PREX1: variants seen among roughly 807,000 people sequenced by gnomAD.
PREX1 encodes phosphatidylinositol 3,4,5-trisphosphate-dependent Rac exchanger 1 protein.
In PREX1, 41 loss-of-function variants were observed where a neutral mutation model predicts 198.3. The ratio of observed to expected loss-of-function variants is 0.21; its 90% CI spans 0.16 to 0.27. The LOEUF is 0.27. Among genes scored for constraint, PREX1 ranks in the 10% least tolerant of loss-of-function variants. The pLI, the probability that PREX1 is intolerant of heterozygous loss-of-function variation, is 1.00. For missense variants in PREX1, 1,620 were observed against 2,200.7 expected (o/e 0.74, Z 5.28); for synonymous variants, 843 against 887.2 (o/e 0.95, Z 0.89).
Position 48,726,322 on chromosome 20 carries a change from G to C in PREX1, c.589C>G (p.Gln197Glu). ...PLEGYLLSPIQRICKYPLLLK... is the reference protein window; with the variant it reads ...PLEGYLLSPIERICKYPLLLK... ...AGGAGCGGGTACTTGCAGATCCTCT[G>C]GATCGGAGACAACAGGTAGCCTTCC... The change falls in exon 5 of 40, where the codon CAG (glutamine) becomes GAG (glutamate). Residue 197 changes from glutamine to glutamate, a missense_variant. Physicochemically the swap from Gln to Glu is conservative, Grantham distance 29 (BLOSUM62 2). Around this residue, in one of 7 missense-constraint regions of PREX1, gnomAD observed 488 missense variants for 802.5 expected, o/e 0.61. Coordinates refer to ENST00000371941, the MANE Select transcript of PREX1 (RefSeq NM_020820.4). 6.2e-7 allele frequency: 1 copy of C among 1,613,900 alleles called. No homozygotes were observed. Among genetic ancestry groups the C allele is most frequent in the South Asian group, 1.1e-5 (1 of 90,954 alleles).
intron 18 of PREX1, among the ~76,000 whole-genome samples, chr20:48,655,773 C>T (rs2089538267): frequency 6.6e-6 from 1 of 152,128 alleles, no homozygotes; most frequent in African/African-American, 2.4e-5. Flanking sequence ...TCGGTGCTGA[C>T]CCTAGAAAAA....
chr20:48,831,764 C>T (rs1329798597), upstream of PREX1, among the ~76,000 whole-genome samples: 1 of 152,208 alleles, frequency 6.6e-6, no homozygotes, highest in Non-Finnish European at 1.5e-5. Flanking sequence ...TTGGTGGCAC[C>T]TCCAGGACTC....
At chr20:48,656,877 T>C (rs2089547896) in intron 18 of PREX1, among the ~76,000 whole-genome samples, 163 bp downstream of exon 18, 1 of 152,152 alleles carries the variant, frequency 6.6e-6, no homozygotes. Flanking sequence ...AGAGTGGCAC[T>C]CTGTAAACAT....
At chr20:48,726,446 A>C (rs1182564010) in intron 4 of PREX1, 55 bp from the exon 5 acceptor site, 2 of 1,296,242 alleles carry the variant, frequency 1.5e-6, no homozygotes, top group Admixed American at 3.7e-5. Flanking sequence ...ACAGGGACAT[A>C]GCCACCCTCA....
intron 6 of PREX1, among the ~76,000 whole-genome samples, chr20:48,702,107 G>A (rs1490689759): frequency 1.3e-5 from 2 of 151,922 alleles, no homozygotes; most frequent in African/African-American, 2.4e-5. Context: ...TACTCGGGAG[G>A]CTGAGGCAGA....
chr20:48,771,002 C>A (rs1383621208), intron 1 of PREX1, among the ~76,000 whole-genome samples: 1 of 152,092 alleles, frequency 6.6e-6, no homozygotes, highest in Non-Finnish European at 1.5e-5. Context: ...CTGGTTGAGT[C>A]TTCTGGTTTC....
chr20:48,646,174 G>A, intron 25 of PREX1, 117 bp from the exon 26 acceptor site: 1 of 1,006,540 alleles, frequency 9.9e-7, no homozygotes, highest in African/African-American at 1.6e-5. Context: ...GGGGGTGGGA[G>A]ACTCGCAAGT....
chr20:48,688,281 G>A (rs1365344495), intron 10 of PREX1, among the ~76,000 whole-genome samples: 3 of 152,126 alleles, frequency 2.0e-5, no homozygotes, highest in African/African-American at 7.2e-5. Flanking sequence ...GGTCTTGCCA[G>A]CATTAATTTT....
At chr20:48,845,635 G>A in the PREX1 span, among the ~76,000 whole-genome samples, 1 of 151,360 alleles carries the variant, frequency 6.6e-6, no homozygotes, top group South Asian at 2.1e-4. Context: ...CCAGGAGGCT[G>A]AGGTTGTAAT....
chr20:48,843,698 G>A, the PREX1 span, among the ~76,000 whole-genome samples: 1 of 152,196 alleles, frequency 6.6e-6, no homozygotes, highest in African/African-American at 2.4e-5. Context: ...TGAGGGATCA[G>A]TGAGAAAGCT....
intron 1 of PREX1, among the ~76,000 whole-genome samples, chr20:48,807,220 T>C (rs572493863): frequency 7.9e-5 from 12 of 152,372 alleles, no homozygotes; most frequent in African/African-American, 2.6e-4. Context: ...ATTCTCAGCC[T>C]GAGGCTACCA....
At chr20:48,739,623 G>A (rs969734366) in intron 3 of PREX1, among the ~76,000 whole-genome samples, 15 of 152,178 alleles carry the variant, frequency 9.9e-5, no homozygotes, top group African/African-American at 2.6e-4. Context: ...TCCCACCTAC[G>A]AGCCGCGTGG....
At chr20:48,882,501 C>CAA in the PREX1 span, among the ~76,000 whole-genome samples, 601 of 66,398 alleles carry the variant, frequency 9.1e-3, 42 homozygotes, top group African/African-American at 0.031. Context: ...GACTCCGTCT[C>CAA]AAAAAAAAAA....
the PREX1 span, among the ~76,000 whole-genome samples, chr20:48,834,138 A>G: frequency 4.7e-4 from 71 of 152,224 alleles, no homozygotes; most frequent in African/African-American, 1.7e-3. Flanking sequence ...TCTTCACCCT[A>G]TTGCTTTCCT....
intron 17 of PREX1, 56 bp from the exon 18 acceptor site, chr20:48,657,244 C>T: frequency 1.3e-6 from 2 of 1,580,084 alleles, no homozygotes; most frequent in Non-Finnish European, 1.7e-6. Flanking sequence ...CTCCTTCCCT[C>T]CTCACCAAGG....
intron 4 of PREX1, among the ~76,000 whole-genome samples, chr20:48,728,796 C>A (rs997120675): frequency 2.0e-5 from 3 of 152,106 alleles, no homozygotes; most frequent in Non-Finnish European, 4.4e-5. Context: ...CACAAACACT[C>A]TAGATTGTGG....
intron 32 of PREX1, 75 bp downstream of exon 32, chr20:48,636,388 G>C: frequency 7.0e-7 from 1 of 1,434,630 alleles, no homozygotes; most frequent in Non-Finnish European, 9.3e-7. Context: ...AAGTGGGCAA[G>C]GGCTCCCTCG....
At chr20:48,681,576 A>G (rs1413276321) in intron 10 of PREX1, among the ~76,000 whole-genome samples, 2 of 151,730 alleles carry the variant, frequency 1.3e-5, no homozygotes, top group Non-Finnish European at 2.9e-5. Flanking sequence ...GGATGGATGC[A>G]TGGATGGATG....
chr20:48,652,534 C>T (rs1052584298), intron 21 of PREX1, 52 bp downstream of exon 21: 20 of 1,549,048 alleles, frequency 1.3e-5, no homozygotes, highest in East Asian at 1.2e-4. Context: ...CCAGCCCCTC[C>T]GGAGTCTCAG....
Sources: allele counts gnomAD v4.1 joint callset (sites outside exome capture counted in the v4.1 genomes callset), GRCh38; gene constraint gnomAD v4.1.1; regional missense constraint gnomAD v4.1.1; transcripts MANE v1.5; gene names NCBI Gene and HGNC (gene_info 2026-07-23, HGNC 2026-07-21).